SERPINA4: variants seen among roughly 807,000 people sequenced by gnomAD.
SERPINA4 encodes the protein serpin family A member 4.
A neutral mutation model predicts 25.4 loss-of-function variants in SERPINA4; 24 were observed. That is an observed-to-expected ratio of 0.95 (90% CI 0.69 to 1.33). SERPINA4 has a LOEUF of 1.33. Among genes scored for constraint, SERPINA4 ranks in the 40% most tolerant of loss-of-function variants. The probability of loss-of-function intolerance (pLI) is 0.00; values close to 1 mark genes in which losing one functional copy is unlikely to be tolerated. For missense variants in SERPINA4, 553 were observed against 535.8 expected, an observed-to-expected ratio of 1.03 and a Z score of -0.32; for synonymous variants, 242 against 223.6, an observed-to-expected ratio of 1.08 and a Z score of -0.73.
Position 94,567,006 on chromosome 14 carries a change from C to T in SERPINA4, c.686C>T (p.Thr229Ile), listed in dbSNP as rs1334831073. Residue 229 changes from threonine (T) to isoleucine (I), a missense_variant, in exon 3 of 5, where the codon ACT becomes ATT. By Grantham distance (89) the Thr-to-Ile change is moderately conservative (BLOSUM62 -1). Coordinates refer to ENST00000557004, the MANE Select transcript of SERPINA4 (RefSeq NM_006215.4). ...WEKPFISSRT[T>I]PKDFYVDENT... Reference sequence around the variant, plus strand: ...AAACCATTCATTTCCTCAAGGACCACTCCCAAAGACTTCTATGTTGATGAG... The same window carrying T: ...AAACCATTCATTTCCTCAAGGACCATTCCCAAAGACTTCTATGTTGATGAG... 6.2e-7 allele frequency: 1 copy of T among 1,614,080 alleles called. No homozygotes were observed. The highest frequency in any genetic ancestry group is 8.5e-7 in the Non-Finnish European group (1 of 1,180,038).
chr14:94,564,274 A>G (rs1902133402), intron 2 of SERPINA4, 143 bp downstream of exon 2: 6 of 776,600 alleles, frequency 7.7e-6, no homozygotes, highest in Non-Finnish European at 1.3e-5. Flanking sequence ...AGGGAATGCA[A>G]TGTGAGAATG....
chr14:94,563,200 C>T (rs1902079180), intron 1 of SERPINA4, among the ~76,000 whole-genome samples: 1 of 152,160 alleles, frequency 6.6e-6, no homozygotes, highest in East Asian at 1.9e-4. Context: ...GAGTCTAGTG[C>T]TGTGCAGAGC....
chr14:94,569,717 A>G lies in SERPINA4; in HGVS notation c.*122A>G, dbSNP rs1595069030. 2 of 1,086,506 alleles carry G rather than the reference A, an allele frequency of 1.8e-6. No homozygotes were observed. Among genetic ancestry groups the G allele is most frequent in the East Asian group, 5.0e-5 (2 of 39,658 alleles). 67.3% of individuals were successfully genotyped at this position (1,086,506 alleles called of 1,614,324 possible). Reference sequence around the variant, plus strand: ...CACCGAAGGTCCAGGAGTCCAGGACAGCAGGTGCTGGCCGGTGGGGAGCGG... The same window carrying G: ...CACCGAAGGTCCAGGAGTCCAGGACGGCAGGTGCTGGCCGGTGGGGAGCGG... On this transcript the variant is annotated 3_prime_UTR_variant, in exon 5 of 5. Transcript: ENST00000557004.
chr14:94,567,256 C>T lies in SERPINA4; in HGVS notation c.923+13C>T, dbSNP rs767176044. 17 of 1,607,344 alleles carry T rather than the reference C, an allele frequency of 1.1e-5. No individual in the cohort carries two copies. The highest frequency in any genetic ancestry group is 4.0e-5 in the African/African-American group (3 of 74,844). On this transcript the variant is annotated intron_variant, in intron 3 of 4. Coordinates refer to ENST00000557004, the MANE Select transcript of SERPINA4 (RefSeq NM_006215.4). ...TGTTGCGGAAGAGGTAATCAGTGTG[C>T]TATGGGGGCTGAATCTACAGTACTA...
chr14:94,568,317 G>C, intron 4 of SERPINA4, 29 bp downstream of exon 4: 1 of 1,613,256 alleles, frequency 6.2e-7, no homozygotes, highest in Non-Finnish European at 8.5e-7. Context: ...GCAATCCCTA[G>C]AGAACTCGGT....
intron 1 of SERPINA4, among the ~76,000 whole-genome samples, chr14:94,562,190 T>C (rs1902049833): frequency 6.6e-6 from 1 of 152,190 alleles, no homozygotes; most frequent in South Asian, 2.1e-4. Context: ...TTCATGCATG[T>C]CCGGTCTGTG....
Position 94,563,791 on chromosome 14 carries a change from G to A in SERPINA4, c.309G>A (p.Glu103=). 1 of 1,614,084 alleles carries A rather than the reference G, an allele frequency of 6.2e-7. No individual in the cohort carries two copies. Among genetic ancestry groups the A allele is most frequent in the Non-Finnish European group, 8.5e-7 (1 of 1,180,024 alleles). Residue 103 remains glutamate, a synonymous_variant, in exon 2 of 5, where the codon GAG becomes GAA. Transcript: ENST00000557004. ...CACACAGCCGCAGCCAGATCCTTGA[G>A]GGCCTGGGCTTCAACCTCACCGAGC... The part of the protein sequence containing the change: ...ACSHSRSQIL[E]GLGFNLTELS...
rs1902098271 is a variant in SERPINA4 at position 94,563,638 on chromosome 14, C to A, written c.156C>A (p.Ala52=). 1 of 1,613,884 alleles carries A rather than the reference C, an allele frequency of 6.2e-7. No individual in the cohort carries two copies. Among genetic ancestry groups the A allele is most frequent in the Non-Finnish European group, 8.5e-7 (1 of 1,180,036 alleles). The change falls in exon 2 of 5, where the codon GCC becomes GCA. Residue 52 remains alanine (A), a synonymous_variant. Coordinates refer to ENST00000557004, the MANE Select transcript of SERPINA4 (RefSeq NM_006215.4). The stretch of plus-strand genomic sequence containing the variant: ...AGGGCTCCCCCAGCCTCAAGATAGC[C>A]CCTGCCAATGCTGACTTTGCCTTCC... ...TGEGSPSLKI[A]PANADFAFRF... is the part of the protein sequence containing the mutation.
At position 94,569,504 on chromosome 14, in the gene SERPINA4, G is replaced by A. The variant is rs138128837; in HGVS notation, c.1193G>A (p.Arg398Gln). ...GCCCAGACCAATCGCCACATCCTGC[G>A]ATTCAACCGGCCCTTCCTTGTGGTG... ...FSAQTNRHIL[R>Q]FNRPFLVVIF... The change falls in exon 5 of 5, where the codon CGA becomes CAA. Residue 398 changes from arginine (R) to glutamine (Q), a missense_variant. Coordinates refer to ENST00000557004, the MANE Select transcript of SERPINA4 (RefSeq NM_006215.4). 1.1e-3 allele frequency: 1,783 copies of A among 1,614,188 alleles called. No individual in the cohort carries two copies. The highest frequency in any genetic ancestry group is 1.9e-3 in the Admixed American group (117 of 60,024).
chr14:94,569,670 T>C lies in SERPINA4; in HGVS notation c.*75T>C. The C allele has an allele frequency of 1.3e-6, 2 of 1,513,554 alleles. No homozygotes were observed. Among genetic ancestry groups the C allele is most frequent in the South Asian group, 2.3e-5 (2 of 87,418 alleles). 93.8% of individuals were successfully genotyped at this position (1,513,554 alleles called of 1,614,324 possible). A position where few individuals can be genotyped will look rare whatever the true frequency, so the allele number is the denominator to read the frequency against. On this transcript the variant is annotated 3_prime_UTR_variant, in exon 5 of 5. Transcript: ENST00000557004. ...GGGCTGGGAGTGAGTAGCTCTGTGT[T>C]TAGAGTTGGGGACAAGGATGACACC...
At chr14:94,562,339 C>T (rs145509408) in intron 1 of SERPINA4, among the ~76,000 whole-genome samples, 3 of 152,192 alleles carry the variant, frequency 2.0e-5, no homozygotes, top group East Asian at 3.9e-4. Flanking sequence ...AAAGAGGGGG[C>T]GAGAGGCTGA....
chr14:94,564,198 T>C, intron 2 of SERPINA4, 67 bp downstream of exon 2: 1 of 1,484,002 alleles, frequency 6.7e-7, no homozygotes, highest in South Asian at 1.2e-5. Flanking sequence ...ATTTGTTGAC[T>C]GGTTAAATAT....
At chr14:94,569,355 C>A in intron 4 of SERPINA4, 40 bp from the exon 5 acceptor site, 1 of 1,596,726 alleles carries the variant, frequency 6.3e-7, no homozygotes, top group Non-Finnish European at 8.5e-7. Context: ...GGCCCCCTCT[C>A]TTGCTGGCTT....
chr14:94,565,913 G>A (rs939909762), intron 2 of SERPINA4, among the ~76,000 whole-genome samples: 1 of 152,014 alleles, frequency 6.6e-6, no homozygotes, highest in African/African-American at 2.4e-5. Flanking sequence ...ATTAACTAAG[G>A]AAGGAAGAGA....
chr14:94,568,015 G>A, intron 3 of SERPINA4, 114 bp from the exon 4 acceptor site: 1 of 1,050,632 alleles, frequency 9.5e-7, no homozygotes, highest in Non-Finnish European at 1.4e-6. Context: ...TGTTTGTGGG[G>A]ACAGAACTCA....
At chr14:94,566,924 C>T in intron 2 of SERPINA4, 46 bp from the exon 3 acceptor site, 1 of 1,572,342 alleles carries the variant, frequency 6.4e-7, no homozygotes, top group Non-Finnish European at 8.6e-7. Context: ...AGGACTAGCT[C>T]TGTGGCCTGC....
At chr14:94,562,877 G>A (rs572910307) in intron 1 of SERPINA4, among the ~76,000 whole-genome samples, 2 of 152,282 alleles carry the variant, frequency 1.3e-5, no homozygotes, top group South Asian at 4.1e-4. Flanking sequence ...TCTGTACGGG[G>A]TAACAATACA....
chr14:94,569,541 CAGCACCCAG>C lies in SERPINA4; in HGVS notation c.1233_1241del (p.Thr412_Ser414del). Reference sequence around the variant, plus strand: ...CCTTCCTTGTGGTGATCTTTTCCACCAGCACCCAGAGTGTCCTCTTTCTGGGCAAGGTCG... The same window carrying C: ...CCTTCCTTGTGGTGATCTTTTCCACCAGTGTCCTCTTTCTGGGCAAGGTCG... On this transcript the variant is annotated inframe_deletion, in exon 5 of 5. Transcript: ENST00000557004. 6.2e-7 allele frequency: 1 copy of C among 1,614,190 alleles called. No homozygotes were observed. Among genetic ancestry groups the C allele is most frequent in the Non-Finnish European group, 8.5e-7 (1 of 1,180,028 alleles).
At chr14:94,568,380 G>A in intron 4 of SERPINA4, 92 bp downstream of exon 4, 11 of 1,366,836 alleles carry the variant, frequency 8.0e-6, no homozygotes, top group African/African-American at 1.4e-5. Context: ...GCTGCCACAT[G>A]GAGTCTCAGA....
Sources: allele counts gnomAD v4.1 joint callset (sites outside exome capture counted in the v4.1 genomes callset), GRCh38; gene constraint gnomAD v4.1.1; transcripts MANE v1.5; gene names NCBI Gene and HGNC (gene_info 2026-07-23, HGNC 2026-07-21).